Variants in MYPOP observed in about 807,000 individuals in gnomAD.
The protein encoded by MYPOP is Myb related transcription factor, partner of profilin.
A neutral mutation model predicts 25.7 loss-of-function variants in MYPOP; 21 were observed. The observed-to-expected ratio is 0.82, with a 90% CI of 0.58 to 1.18. The LOEUF (loss-of-function observed/expected upper bound fraction) is 1.18. MYPOP is among the 50% of genes most tolerant of loss of function. MYPOP has a pLI of 0.00. For missense variants in MYPOP, 566 were observed against 588.3 expected (o/e 0.96, Z 0.39); for synonymous variants, 280 against 247.9 (o/e 1.13, Z -1.22).
chr19:45,895,618 C>T (rs1967191991), intron 2 of MYPOP, among the ~76,000 whole-genome samples: 1 of 152,216 alleles, frequency 6.6e-6, no homozygotes, highest in African/African-American at 2.4e-5. Context: ...TTGCTCCCTT[C>T]TGTTTACCCG....
At chr19:45,900,796 C>T (rs1967277474) in intron 2 of MYPOP, among the ~76,000 whole-genome samples, 1 of 152,182 alleles carries the variant, frequency 6.6e-6, no homozygotes, top group Non-Finnish European at 1.5e-5. Flanking sequence ...CTATCAAGAA[C>T]TAACAATGAG....
Position 45,901,360 on chromosome 19 carries a change from C to G in MYPOP, c.414G>C (p.Ala138=). Residue 138 remains alanine, a synonymous_variant, in exon 2 of 3, where the codon GCG becomes GCC. Coordinates refer to ENST00000322217, the MANE Select transcript of MYPOP (RefSeq NM_001012643.4). The surrounding 1 kb of genome is among the most constrained non-coding windows in gnomAD (Gnocchi z 5.7). ...GAGAGAEEPP[A]APSSQPPPPS... ...GGGGCGGCGGCTGTGAAGAGGGGGCCGCAGGGGGCTCCTCCGCCCCAGCAC... is the reference window on the plus strand; with the variant it reads ...GGGGCGGCGGCTGTGAAGAGGGGGCGGCAGGGGGCTCCTCCGCCCCAGCAC... 3 of 1,468,494 alleles carry G rather than the reference C, an allele frequency of 2.0e-6. No individual in the cohort carries two copies. Among genetic ancestry groups the G allele is most frequent in the Non-Finnish European group, 2.7e-6 (3 of 1,110,862 alleles). The allele number at this position is 1,468,494 out of a possible 1,614,324, so 91.0% of individuals were successfully genotyped here.
chr19:45,901,922 G>A lies in MYPOP; in HGVS notation c.-52-97C>T, dbSNP rs1967304139. 2 of 584,166 alleles carry A rather than the reference G, an allele frequency of 3.4e-6. No homozygotes were observed. The highest frequency in any genetic ancestry group is 5.0e-6 in the Non-Finnish European group (2 of 403,978). The allele number at this position is 584,166 out of a possible 1,614,324, so 36.2% of individuals were successfully genotyped here. Reference sequence around the variant, plus strand: ...GGCCGAGAGCTCCTTAGTCCCCGGGGGCAGGAGTGGGGGCGGGGGGCGGGC... The same window carrying A: ...GGCCGAGAGCTCCTTAGTCCCCGGGAGCAGGAGTGGGGGCGGGGGGCGGGC... On this transcript the variant is annotated intron_variant, in intron 1 of 2. Transcript: ENST00000322217. The surrounding 1 kb of genome is among the most constrained non-coding windows in gnomAD (Gnocchi z 5.7).
chr19:45,899,623 T>A (rs911904014), intron 2 of MYPOP, among the ~76,000 whole-genome samples: 3 of 152,152 alleles, frequency 2.0e-5, no homozygotes, highest in African/African-American at 7.2e-5. Context: ...GTGGATCACC[T>A]GAGGTCGGGA....
In MYPOP at chr19:45,901,629, C is replaced by G. The variant is rs766677853; in HGVS notation, c.145G>C (p.Val49Leu). Residue 49 changes from valine to leucine, a missense_variant, in exon 2 of 3, where the codon GTG becomes CTG. Coordinates refer to ENST00000322217, the MANE Select transcript of MYPOP (RefSeq NM_001012643.4). This position sits in a 1 kb window ranked among gnomAD's most constrained non-coding sequence, Gnocchi z 5.7. ...LYGAQSRRVS[V>L]AERRRVWDGI... ...TCCCACACGCGCCGCCGCTCTGCCA[C>G]GCTCACCCGACGGCTCTGCGCGCCG... The G allele has an allele frequency of 1.9e-6, 3 of 1,610,644 alleles. No individual in the cohort carries two copies. The highest frequency in any genetic ancestry group is 2.5e-6 in the Non-Finnish European group (3 of 1,179,280).
Position 45,890,442 on chromosome 19 carries a change from T to TG in MYPOP, c.*180dup, listed in dbSNP as rs903139034. On this transcript the variant is annotated 3_prime_UTR_variant, in exon 3 of 3. Transcript: ENST00000322217. ...ACAGCACTGTACCAGAGAAAGGGGT[T>TG]GGGGGGGCCCATTACTGAGGCCCCC... is the stretch of plus-strand genomic sequence containing the variant. 116 of 962,994 alleles carry TG rather than the reference T, an allele frequency of 1.2e-4. No individual in the cohort carries two copies. In the South Asian group the frequency reaches 1.8e-3, roughly 15 times the overall value. The allele number at this position is 962,994 out of a possible 1,614,324, so 59.7% of individuals were successfully genotyped here. A position where few individuals can be genotyped will look rare whatever the true frequency, so the allele number is the denominator to read the frequency against.
chr19:45,891,450 C>T lies in MYPOP; in HGVS notation c.500-127G>A, dbSNP rs188666456. ...AACTATCCTTCTCACCCCCGCCCCC[C>T]AGCCCCAAGACAGTCTTGGTCTGTC... On this transcript the variant is annotated intron_variant, in intron 2 of 2. Coordinates refer to ENST00000322217, the MANE Select transcript of MYPOP (RefSeq NM_001012643.4). The T allele has an allele frequency of 3.0e-4, 357 of 1,173,872 alleles. 6 individuals are homozygous for T. The East Asian group carries it at 9.6e-3, about 32-fold the overall frequency. 72.7% of individuals were successfully genotyped at this position (1,173,872 alleles called of 1,614,324 possible).
rs745802097 is a variant in MYPOP at position 45,890,694 on chromosome 19, C to T, written c.1129G>A (p.Asp377Asn). 2.9e-5 allele frequency: 28 copies of T among 951,138 alleles called. No homozygotes were observed. Among genetic ancestry groups the T allele is most frequent in the East Asian group, 9.0e-5 (2 of 22,212 alleles). 58.9% of individuals were successfully genotyped at this position (951,138 alleles called of 1,614,324 possible). A position where few individuals can be genotyped will look rare whatever the true frequency, so the allele number is the denominator to read the frequency against. ...RPPPAPLPPH[D>N]SPPHKRRKGF... ...TTTCTCCGCTTGTGTGGGGGGGAGT[C>T]GTGCGGAGGGAGCGGGGCTGGGGGG... Residue 377 changes from aspartate (D) to asparagine (N), a missense_variant, in exon 3 of 3, where the codon GAC becomes AAC. Asp to Asn is a conservative substitution (Grantham distance 23). Coordinates refer to ENST00000322217, the MANE Select transcript of MYPOP (RefSeq NM_001012643.4).
intron 2 of MYPOP, among the ~76,000 whole-genome samples, chr19:45,895,202 TA>T (rs1568643253): frequency 6.6e-6 from 1 of 152,110 alleles, no homozygotes. Flanking sequence ...TACCTGGCTG[TA>T]GCCACGGTGG....
In MYPOP at chr19:45,890,367, A is replaced by T; in HGVS notation, c.*256T>A. The T allele has an allele frequency of 2.3e-6, 1 of 443,216 alleles. No homozygotes were observed. The highest frequency in any genetic ancestry group is 3.9e-6 in the Non-Finnish European group (1 of 254,588). 27.5% of individuals were successfully genotyped at this position (443,216 alleles called of 1,614,324 possible). ...ACCCCACATAGGGCAATAATAAATA[A>T]CATGAAATTGATGGCTTAGAAGTCA... is the stretch of plus-strand genomic sequence containing the variant. On this transcript the variant is annotated 3_prime_UTR_variant, in exon 3 of 3. Coordinates refer to ENST00000322217, the MANE Select transcript of MYPOP (RefSeq NM_001012643.4).
At chr19:45,900,670 G>A (rs183676266) in intron 2 of MYPOP, among the ~76,000 whole-genome samples, 157 of 152,220 alleles carry the variant, frequency 1.0e-3, no homozygotes, top group Non-Finnish European at 2.0e-3. Flanking sequence ...GGAAGTTTCT[G>A]TAGTCAGCTC....
At chr19:45,897,946 C>T (rs1358238725) in intron 2 of MYPOP, among the ~76,000 whole-genome samples, 6 of 145,912 alleles carry the variant, frequency 4.1e-5, no homozygotes, top group South Asian at 2.2e-4. Flanking sequence ...TTTTTTAAGA[C>T]GGAGTCTCGC....
intron 2 of MYPOP, among the ~76,000 whole-genome samples, chr19:45,896,434 C>T (rs1415344878): frequency 2.0e-5 from 3 of 152,200 alleles, no homozygotes; most frequent in Non-Finnish European, 4.4e-5. Flanking sequence ...CTGCTCCCGC[C>T]AGGCCCTGGG....
rs1185742554 is a variant in MYPOP at position 45,890,536 on chromosome 19, G to A, written c.*87C>T. 2.6e-6 allele frequency: 4 copies of A among 1,553,180 alleles called. No homozygotes were observed. Among genetic ancestry groups the A allele is most frequent in the Admixed American group, 1.8e-5 (1 of 56,018 alleles). ...CATCCCTGGAGCAGGGAGCTAGGGT[G>A]CAGCTGGGATGGGCAGAGAGCATCG... On this transcript the variant is annotated 3_prime_UTR_variant, in exon 3 of 3. Coordinates refer to ENST00000322217, the MANE Select transcript of MYPOP (RefSeq NM_001012643.4).
intron 2 of MYPOP, among the ~76,000 whole-genome samples, chr19:45,894,412 C>T (rs375349501): frequency 6.6e-6 from 1 of 151,248 alleles, no homozygotes; most frequent in Admixed American, 6.6e-5. Context: ...CGTGCCTGGC[C>T]TTAATTTTCA....
chr19:45,897,529 G>C (rs962018929), intron 2 of MYPOP, among the ~76,000 whole-genome samples: 1 of 152,180 alleles, frequency 6.6e-6, no homozygotes. Flanking sequence ...AAGGCTCACA[G>C]GAGTCACAGC....
Position 45,901,829 on chromosome 19 carries a change from C to A in MYPOP, c.-52-4G>T. 1 of 1,322,638 alleles carries A rather than the reference C, an allele frequency of 7.6e-7. No individual in the cohort carries two copies. The highest frequency in any genetic ancestry group is 9.7e-7 in the Non-Finnish European group (1 of 1,033,918). The allele number at this position is 1,322,638 out of a possible 1,614,324, so 81.9% of individuals were successfully genotyped here. On this transcript the variant is annotated splice_polypyrimidine_tract_variant and splice_region_variant and intron_variant, in intron 1 of 2. Coordinates refer to ENST00000322217, the MANE Select transcript of MYPOP (RefSeq NM_001012643.4). This position sits in a 1 kb window ranked among gnomAD's most constrained non-coding sequence, Gnocchi z 5.7. ...TGGCGCATGGGGGGCGCCGGCGCTGCGGGCAAAGGGCGCACGGGGCTGGCT... is the reference window on the plus strand; with the variant it reads ...TGGCGCATGGGGGGCGCCGGCGCTGAGGGCAAAGGGCGCACGGGGCTGGCT...
rs901132727 is a variant in MYPOP, at chr19:45,896,673, C to T, written c.499+4602G>A. ...TCGCTCTGTCGCCCAGGCCGGACTG[C>T]GGACTGCAGTGGCGCAATCTCGGCT... On this transcript the variant is annotated intron_variant, in intron 2 of 2. Coordinates refer to ENST00000322217, the MANE Select transcript of MYPOP (RefSeq NM_001012643.4). Among the ~76,000 whole-genome samples, 9 of 148,734 alleles carry T rather than the reference C, an allele frequency of 6.1e-5. No homozygotes were observed. The East Asian group carries it at 7.9e-4, about 13-fold the overall frequency.
chr19:45,896,469 C>T (rs2146379034), intron 2 of MYPOP, among the ~76,000 whole-genome samples: 1 of 152,288 alleles, frequency 6.6e-6, no homozygotes, highest in Non-Finnish European at 1.5e-5. Flanking sequence ...TAAGTGATTC[C>T]ACCTAGTCTT....
Sources: allele counts gnomAD v4.1 joint callset (sites outside exome capture counted in the v4.1 genomes callset), GRCh38; gene constraint gnomAD v4.1.1; non-coding constraint Gnocchi (gnomAD v3.1); transcripts MANE v1.5; gene names NCBI Gene and HGNC (gene_info 2026-07-23, HGNC 2026-07-21).